The following POU6F2 variants were observed in gnomAD, a reference collection of about 807,000 sequenced individuals.
The protein encoded by POU6F2 is POU class 6 homeobox 2, also known as POU domain, class 6, transcription factor 2.
In POU6F2, 31 loss-of-function variants were observed where a neutral mutation model predicts 71.3. The observed-to-expected ratio is 0.43, with a 90% CI of 0.33 to 0.59. The LOEUF (loss-of-function observed/expected upper bound fraction) is 0.59, where lower values mean the gene tolerates loss of function less well. Among genes scored for constraint, POU6F2 ranks in the 20% least tolerant of loss-of-function variants. The pLI is 0.04. For synonymous variants in POU6F2, 347 were observed against 355.7 expected (o/e 0.98, Z 0.27); for missense variants, 783 against 856.8 (o/e 0.91, Z 1.07).
At chr7:39,432,512 G>T (rs1263552118) in intron 6 of POU6F2, among the ~76,000 whole-genome samples, 1 of 152,154 alleles carries the variant, frequency 6.6e-6, no homozygotes. Context: ...TGTCTCCAGA[G>T]CCCAGACTCT....
intron 5 of POU6F2, among the ~76,000 whole-genome samples, chr7:39,360,403 T>C (rs1786353835): frequency 6.6e-6 from 1 of 152,070 alleles, no homozygotes; most frequent in African/African-American, 2.4e-5. Context: ...ACAAAGAAAA[T>C]AGAAACGTTA....
At chr7:39,128,793 T>A (rs750703135) in intron 2 of POU6F2, among the ~76,000 whole-genome samples, 1 of 152,226 alleles carries the variant, frequency 6.6e-6, no homozygotes, top group Non-Finnish European at 1.5e-5. Flanking sequence ...ATTTCTTATC[T>A]CCTATTAGAA....
intron 4 of POU6F2, among the ~76,000 whole-genome samples, chr7:39,246,827 G>A (rs1245917794): frequency 6.8e-6 from 1 of 147,420 alleles, no homozygotes; most frequent in East Asian, 2.0e-4. Context: ...AATATTTCTA[G>A]CCAAAGAGAG....
At chr7:39,172,748 G>A (rs1192864498) in intron 2 of POU6F2, among the ~76,000 whole-genome samples, 1 of 151,482 alleles carries the variant, frequency 6.6e-6, no homozygotes, top group African/African-American at 2.4e-5. Context: ...AGTTTCCCAA[G>A]TAGCTGGGAC....
At chr7:39,101,421 A>G (rs1345018244) in intron 2 of POU6F2, among the ~76,000 whole-genome samples, 4 of 151,242 alleles carry the variant, frequency 2.6e-5, no homozygotes, top group Admixed American at 2.6e-4. Flanking sequence ...AGCACTTAAG[A>G]GAAGAATTGC....
chr7:39,434,197 A>G (rs1290493199), intron 7 of POU6F2, among the ~76,000 whole-genome samples: 1 of 152,214 alleles, frequency 6.6e-6, no homozygotes, highest in Non-Finnish European at 1.5e-5. Flanking sequence ...CATTCCAAGC[A>G]GAGGGAACAG....
chr7:39,098,287 T>A (rs1791496172), intron 2 of POU6F2, among the ~76,000 whole-genome samples: 1 of 152,090 alleles, frequency 6.6e-6, no homozygotes, highest in Non-Finnish European at 1.5e-5. Context: ...TTATTTTTAT[T>A]ATTTTTCTGA....
Position 38,996,091 on chromosome 7 carries a change from G to A in POU6F2, c.105+18033G>A, listed in dbSNP as rs1443232012. On this transcript the variant is annotated intron_variant, in intron 1 of 9. Transcript: ENST00000518318. ...TTTTGCTCTTGTTACCCAGGCTGGA[G>A]TGGAATGGCGCGATCTCGGCTCACT... 3.6e-5 allele frequency among the ~76,000 whole-genome samples: 5 copies of A among 138,376 alleles called. No individual in the cohort carries two copies. In the Admixed American group the frequency reaches 3.8e-4, roughly 11 times the overall value. The allele number at this position is 138,376 out of a possible 152,430, so 90.8% of individuals were successfully genotyped here.
At chr7:39,426,184 A>G (rs1430757218) in intron 6 of POU6F2, among the ~76,000 whole-genome samples, 2 of 152,286 alleles carry the variant, frequency 1.3e-5, no homozygotes, top group East Asian at 3.9e-4. Context: ...GAGGTGAGGA[A>G]AGGAGAGACC....
chr7:39,135,764 ATT>A (rs1792377178), intron 2 of POU6F2, among the ~76,000 whole-genome samples: 1 of 152,208 alleles, frequency 6.6e-6, no homozygotes, highest in African/African-American at 2.4e-5. Context: ...GTTATTTAGT[ATT>A]GTCTGAAAGT....
chr7:39,292,987 T>C (rs991955229), intron 4 of POU6F2, among the ~76,000 whole-genome samples: 2 of 152,112 alleles, frequency 1.3e-5, no homozygotes, highest in African/African-American at 2.4e-5. Context: ...TTGCTTGGGC[T>C]CTGGCCGCCT....
chr7:39,412,499 T>C (rs1157383088), intron 6 of POU6F2, among the ~76,000 whole-genome samples: 1 of 152,188 alleles, frequency 6.6e-6, no homozygotes, highest in Non-Finnish European at 1.5e-5. Context: ...AACAAAGCCA[T>C]AGCTTAACAC....
At chr7:39,129,439 C>G (rs1011639272) in intron 2 of POU6F2, among the ~76,000 whole-genome samples, 1 of 152,190 alleles carries the variant, frequency 6.6e-6, no homozygotes, top group African/African-American at 2.4e-5. Flanking sequence ...ACTGATTCCT[C>G]TCTTCTCACA....
chr7:39,215,500 C>T (rs1794221772), intron 4 of POU6F2, among the ~76,000 whole-genome samples: 3 of 152,160 alleles, frequency 2.0e-5, no homozygotes, highest in Admixed American at 6.5e-5. Flanking sequence ...AAAGACCACA[C>T]CAGTTTGATA....
At chr7:39,286,203 G>A (rs9648478) in intron 4 of POU6F2, among the ~76,000 whole-genome samples, 70,224 of 151,944 alleles carry the variant, frequency 0.46, 17,189 homozygotes, top group Admixed American at 0.62. Context: ...CCACTTACCA[G>A]CAAGATGGGG....
chr7:39,194,847 C>A (rs115677016), intron 2 of POU6F2, among the ~76,000 whole-genome samples: 1,655 of 152,288 alleles, frequency 0.011, 34 homozygotes, highest in African/African-American at 0.037. Flanking sequence ...GAGGAAGAAG[C>A]AATTCTGGAC....
chr7:39,021,758 A>T (rs1049448530), intron 1 of POU6F2, among the ~76,000 whole-genome samples: 13 of 152,022 alleles, frequency 8.6e-5, no homozygotes, highest in African/African-American at 2.9e-4. Context: ...TAAAATGTAT[A>T]AAAAAATGAT....
chr7:39,003,583 C>CAAAAA (rs10650128), intron 1 of POU6F2, among the ~76,000 whole-genome samples: 3 of 128,362 alleles, frequency 2.3e-5, no homozygotes, highest in East Asian at 4.4e-4. Context: ...ACTAAAAATA[C>CAAAAA]AAAAAAAAAA....
chr7:39,462,552 G>A (rs190704431), intron 9 of POU6F2, among the ~76,000 whole-genome samples: 62 of 152,196 alleles, frequency 4.1e-4, no homozygotes, highest in Non-Finnish European at 1.2e-4. Context: ...CTGTCCCCTC[G>A]TGCCTTGACA....
Sources: gnomAD v4.1 joint callset for allele counts (sites outside exome capture counted in the v4.1 genomes callset) on GRCh38, gnomAD v4.1.1 for gene constraint, MANE v1.5 for transcripts, NCBI Gene and HGNC (gene_info 2026-07-23, HGNC 2026-07-21) for gene names.